Variants in SLC25A42 observed in about 807,000 individuals in gnomAD.
SLC25A42 encodes mitochondrial coenzyme A transporter SLC25A42.
Under a neutral mutation model 34.7 loss-of-function variants are expected in SLC25A42, and 19 were observed. The ratio of observed to expected loss-of-function variants is 0.55; its 90% CI spans 0.38 to 0.80. The LOEUF is 0.80. SLC25A42 is among the 30% of genes least tolerant of loss of function. The pLI, the probability that SLC25A42 is intolerant of heterozygous loss-of-function variation, is 0.00. For synonymous variants in SLC25A42, 205 were observed against 191.2 expected (o/e 1.07, Z -0.59); for missense variants, 364 against 441.3 (o/e 0.82, Z 1.57).
chr19:19,101,962 C>A, intron 3 of SLC25A42, 76 bp downstream of exon 3: 1 of 887,596 alleles, frequency 1.1e-6, no homozygotes, highest in Non-Finnish European at 1.8e-6. Context: ...CCAAACCACG[C>A]TTCAAATTGG....
intron 1 of SLC25A42, among the ~76,000 whole-genome samples, chr19:19,080,778 G>A (rs1444389321): frequency 6.6e-6 from 1 of 151,946 alleles, no homozygotes; most frequent in African/African-American, 2.4e-5. Flanking sequence ...AAATTAGCTG[G>A]GCTTGGTGGT....
rs1181389928 is a variant in SLC25A42, at chr19:19,111,032, C to A, written c.*156C>A. The A allele has an allele frequency of 6.3e-6, 5 of 798,776 alleles. No individual in the cohort carries two copies. The Admixed American group carries it at 1.1e-4, about 18-fold the overall frequency. 49.5% of individuals were successfully genotyped at this position (798,776 alleles called of 1,614,324 possible). On this transcript the variant is annotated 3_prime_UTR_variant, in exon 8 of 8. Coordinates refer to ENST00000318596, the MANE Select transcript of SLC25A42 (RefSeq NM_178526.5). Reference sequence around the variant, plus strand: ...GCCTGAGGGGCCTGGGCTCAGAGTCCACGTCCAAACGCAAAGCTGGCAGCC... The same window carrying A: ...GCCTGAGGGGCCTGGGCTCAGAGTCAACGTCCAAACGCAAAGCTGGCAGCC...
In SLC25A42 at chr19:19,110,465, A is replaced by G. The variant is rs545204433; in HGVS notation, c.650-104A>G. The G allele has an allele frequency of 4.7e-5, 42 of 896,680 alleles. No individual in the cohort carries two copies. In the African/African-American group the frequency reaches 5.5e-4, roughly 12 times the overall value. The allele number at this position is 896,680 out of a possible 1,614,324, so 55.5% of individuals were successfully genotyped here. On this transcript the variant is annotated intron_variant, in intron 7 of 7. Coordinates refer to ENST00000318596, the MANE Select transcript of SLC25A42 (RefSeq NM_178526.5). Reference sequence around the variant, plus strand: ...CGTGGGGGTGCAAGTGCATGTGTGTATGTGCACGCAGGTTGCTCCTAGGGG... The same window carrying G: ...CGTGGGGGTGCAAGTGCATGTGTGTGTGTGCACGCAGGTTGCTCCTAGGGG...
At chr19:19,106,574 G>A (rs1182380190) in intron 6 of SLC25A42, 189 bp downstream of exon 6, 2 of 505,700 alleles carry the variant, frequency 4.0e-6, no homozygotes, top group East Asian at 3.5e-5. Flanking sequence ...TAGCCTGGGG[G>A]TCACTTTCTG....
At chr19:19,096,339 C>T (rs1568518687) in intron 2 of SLC25A42, 134 bp downstream of exon 2, 1 of 652,126 alleles carries the variant, frequency 1.5e-6, no homozygotes, top group Non-Finnish European at 2.7e-6. Context: ...CTCTGCTGTG[C>T]TCCATGCAGC....
intron 1 of SLC25A42, among the ~76,000 whole-genome samples, chr19:19,094,726 T>C (rs1482152700): frequency 1.3e-5 from 2 of 152,218 alleles, no homozygotes; most frequent in Admixed American, 1.3e-4. Flanking sequence ...GTAATGCGTT[T>C]TCATTTACTG....
At chr19:19,086,041 A>G (rs1429266795) in intron 1 of SLC25A42, among the ~76,000 whole-genome samples, 2 of 152,230 alleles carry the variant, frequency 1.3e-5, no homozygotes, top group Non-Finnish European at 2.9e-5. Context: ...GACCAAGAGG[A>G]GTCAGATCAC....
chr19:19,081,619 G>C lies in SLC25A42; in HGVS notation c.-34-14472G>C, dbSNP rs1026115645. On this transcript the variant is annotated intron_variant, in intron 1 of 7. Coordinates refer to ENST00000318596, the MANE Select transcript of SLC25A42 (RefSeq NM_178526.5). The surrounding 1 kb of genome is among the most constrained non-coding windows in gnomAD (Gnocchi z 4.5). ...TCATGGGAACTGGGGCTTCCTCCCC[G>C]AACCCATCCAAGCCTCCCTGTCCCA... 6.6e-6 allele frequency among the ~76,000 whole-genome samples: 1 copy of C among 152,056 alleles called. No homozygotes were observed. Among genetic ancestry groups the C allele is most frequent in the Non-Finnish European group, 1.5e-5 (1 of 68,004 alleles).
chr19:19,071,895 T>G (rs2075729844), intron 1 of SLC25A42, among the ~76,000 whole-genome samples: 1 of 151,330 alleles, frequency 6.6e-6, no homozygotes, highest in African/African-American at 2.4e-5. Context: ...AAAATAAAAA[T>G]AAAGGGATGT....
intron 3 of SLC25A42, among the ~76,000 whole-genome samples, chr19:19,103,449 G>A (rs1249660848): frequency 6.6e-6 from 1 of 152,124 alleles, no homozygotes; most frequent in Non-Finnish European, 1.5e-5. Flanking sequence ...CCCTAACCCA[G>A]TATGACCTTA....
chr19:19,110,707 C>G lies in SLC25A42; in HGVS notation c.788C>G (p.Pro263Arg), dbSNP rs1322574500. 1.9e-6 allele frequency: 3 copies of G among 1,596,514 alleles called. No individual in the cohort carries two copies. Among genetic ancestry groups the G allele is most frequent in the African/African-American group, 2.7e-5 (2 of 74,200 alleles). The change falls in exon 8 of 8, where the codon CCG becomes CGG. Residue 263 changes from proline to arginine, a missense_variant. Physicochemically the swap from Pro to Arg is moderately radical, Grantham distance 103. Coordinates refer to ENST00000318596, the MANE Select transcript of SLC25A42 (RefSeq NM_178526.5). ...CAGACGGCCGGCGTCACGGGCTACCCGCGCGCCTCCATCGCCCGCACGCTG... is the reference window on the plus strand; with the variant it reads ...CAGACGGCCGGCGTCACGGGCTACCGGCGCGCCTCCATCGCCCGCACGCTG... ...RMQTAGVTGY[P>R]RASIARTLRT...
At chr19:19,098,604 A>G (rs1306385342) in intron 2 of SLC25A42, among the ~76,000 whole-genome samples, 1 of 149,890 alleles carries the variant, frequency 6.7e-6, no homozygotes, top group Non-Finnish European at 1.5e-5. Context: ...CAGAAAAACA[A>G]CACAGAGTTG....
At chr19:19,096,971 A>G (rs979815516) in intron 2 of SLC25A42, among the ~76,000 whole-genome samples, 5 of 152,092 alleles carry the variant, frequency 3.3e-5, no homozygotes, top group Non-Finnish European at 7.4e-5. Context: ...GCAGAGAGCC[A>G]AAGGGGGTGG....
At chr19:19,084,710 C>G (rs56227420) in intron 1 of SLC25A42, among the ~76,000 whole-genome samples, 8,913 of 152,122 alleles carry the variant, frequency 0.059, 350 homozygotes, top group Middle Eastern at 0.14. Flanking sequence ...CCACCTTACC[C>G]AAGAGGTCCA....
chr19:19,101,993 T>A, intron 3 of SLC25A42, 107 bp downstream of exon 3: 1 of 718,408 alleles, frequency 1.4e-6, no homozygotes, highest in Non-Finnish European at 2.3e-6. Context: ...TAGATTTATT[T>A]TAGAAATAAG....
At chr19:19,091,875 T>G (rs2059739907) in intron 1 of SLC25A42, among the ~76,000 whole-genome samples, 1 of 152,228 alleles carries the variant, frequency 6.6e-6, no homozygotes, top group South Asian at 2.1e-4. Context: ...AGACCCTGAC[T>G]ATAAAACAGC....
intron 3 of SLC25A42, among the ~76,000 whole-genome samples, chr19:19,104,139 C>T (rs1321712313): frequency 1.3e-5 from 2 of 152,162 alleles, no homozygotes; most frequent in Non-Finnish European, 2.9e-5. Flanking sequence ...TCTCGAACTC[C>T]TGACCTCAGG....
intron 1 of SLC25A42, among the ~76,000 whole-genome samples, chr19:19,093,368 G>A (rs577301968): frequency 2.0e-5 from 3 of 152,154 alleles, no homozygotes; most frequent in Admixed American, 6.5e-5. Context: ...CAAGTTCCCC[G>A]ACACCGCACA....
At chr19:19,067,818 G>C (rs1248613768) in intron 1 of SLC25A42, among the ~76,000 whole-genome samples, 1 of 151,818 alleles carries the variant, frequency 6.6e-6, no homozygotes, top group Non-Finnish European at 1.5e-5. Flanking sequence ...AAGCTGTTTC[G>C]AGACTCTCTC....
Sources: gnomAD v4.1 joint callset for allele counts (sites outside exome capture counted in the v4.1 genomes callset) on GRCh38, gnomAD v4.1.1 for gene constraint, Gnocchi (gnomAD v3.1) non-coding constraint, MANE v1.5 for transcripts, NCBI Gene and HGNC (gene_info 2026-07-23, HGNC 2026-07-21) for gene names.